SLC23A1: variants seen among roughly 807,000 people sequenced by gnomAD.
SLC23A1 encodes the protein solute carrier family 23 member 1, also known as Na(+)/L-ascorbic acid transporter 1.
SLC23A1 carries 31 observed loss-of-function variants against 62.5 expected under a neutral mutation model. That is an observed-to-expected ratio of 0.50 (90% confidence interval 0.37 to 0.67). The LOEUF (loss-of-function observed/expected upper bound fraction) is 0.67. Among genes scored for constraint, SLC23A1 ranks in the 30% least tolerant of loss-of-function variants. SLC23A1 has a pLI of 0.00. For synonymous variants in SLC23A1, 271 were observed against 313.2 expected (o/e 0.87, Z 1.42); for missense variants, 640 against 782.7 (o/e 0.82, Z 2.18).
Position 139,380,360 on chromosome 5 carries a change from C to G in SLC23A1, c.495G>C (p.Val165=). ...EVQGAIMVSS[V]VEVVIGLLGL... ...CCAGCAGGCCAATCACCACCTCCAC[C>G]ACGCTGGACACCATGATTGCACCCT... Residue 165 remains valine, a synonymous_variant, in exon 6 of 15, where the codon GTG becomes GTC. Transcript: ENST00000348729. 1 of 1,612,914 alleles carries G rather than the reference C, an allele frequency of 6.2e-7. No individual in the cohort carries two copies. The highest frequency in any genetic ancestry group is 8.5e-7 in the Non-Finnish European group (1 of 1,179,576).
At chr5:139,382,170 G>A in intron 2 of SLC23A1, 121 bp from the exon 3 acceptor site, 1 of 970,398 alleles carries the variant, frequency 1.0e-6, no homozygotes, top group Non-Finnish European at 1.5e-6. Flanking sequence ...GCCCAGGACT[G>A]GCAGTCCCCA....
upstream of SLC23A1, among the ~76,000 whole-genome samples, chr5:139,383,760 C>T (rs187661902): frequency 2.6e-5 from 4 of 152,236 alleles, no homozygotes; most frequent in Admixed American, 1.3e-4. Context: ...CTGTGCTGGG[C>T]GGTATTAACC....
Position 139,379,145 on chromosome 5 carries a change from C to T in SLC23A1, c.1073+62G>A. The T allele has an allele frequency of 6.4e-7, 1 of 1,571,086 alleles. No individual in the cohort carries two copies. The highest frequency in any genetic ancestry group is 8.7e-7 in the Non-Finnish European group (1 of 1,144,460). On this transcript the variant is annotated intron_variant, in intron 9 of 14. Transcript: ENST00000348729. The surrounding 1 kb of genome is among the most constrained non-coding windows in gnomAD (Gnocchi z 4.7). The stretch of plus-strand genomic sequence containing the variant: ...TACCCCCTGGGCCTCCACCCCGTTC[C>T]TGTGTGTGCTTCCTGGGTGGCGCCT...
Position 139,382,583 on chromosome 5 carries a change from G to C in SLC23A1, c.59C>G (p.Ser20Trp). The change falls in exon 2 of 15, where the codon TCG (serine) becomes TGG (tryptophan). Residue 20 changes from serine (S) to tryptophan (W), a missense_variant. Coordinates refer to ENST00000348729, the MANE Select transcript of SLC23A1 (RefSeq NM_005847.5). ...CTTAGGCTCTGTGGGTAGCGGGGTC[G>C]AGGGGTCCCTGGTGGTTTCATGCTG... is the stretch of plus-strand genomic sequence containing the variant. ...RTQHETTRDP[S>W]TPLPTEPKFD... The C allele has an allele frequency of 6.2e-7, 1 of 1,612,870 alleles. No individual in the cohort carries two copies. Among genetic ancestry groups the C allele is most frequent in the Non-Finnish European group, 8.5e-7 (1 of 1,179,154 alleles).
In SLC23A1 at chr5:139,378,243, C is replaced by A; in HGVS notation, c.1288G>T (p.Gly430Cys). 6.2e-7 allele frequency: 1 copy of A among 1,612,422 alleles called. No individual in the cohort carries two copies. The highest frequency in any genetic ancestry group is 8.5e-7 in the Non-Finnish European group (1 of 1,179,466). The change falls in exon 11 of 15, where the codon GGC becomes TGC. Residue 430 changes from glycine to cysteine, a missense_variant. By Grantham distance (159) the Gly-to-Cys change is radical. Transcript: ENST00000348729. This position sits in a 1 kb window ranked among gnomAD's most constrained non-coding sequence, Gnocchi z 4.5. Reference protein sequence around the residue: ...FASLPDPILGGMFCTLFGMIT... With the variant: ...FASLPDPILGCMFCTLFGMIT... ...TCACCAAAGAGAGTGCAGAACATGC[C>A]CCCCAGGATGGGGTCAGGGAGCGAG...
intron 13 of SLC23A1, among the ~76,000 whole-genome samples, chr5:139,374,243 G>A (rs575639595): frequency 6.6e-6 from 1 of 152,242 alleles, no homozygotes; most frequent in East Asian, 1.9e-4. Flanking sequence ...CTCTAAGGTT[G>A]GGCTCTGGAT....
chr5:139,368,132 G>A (rs1757395483), intron 14 of SLC23A1, among the ~76,000 whole-genome samples: 2 of 151,952 alleles, frequency 1.3e-5, no homozygotes, highest in African/African-American at 4.8e-5. Context: ...TCAGGAGATC[G>A]AGACCATCCT....
chr5:139,373,316 T>G (rs185205081), intron 13 of SLC23A1, among the ~76,000 whole-genome samples: 1 of 152,062 alleles, frequency 6.6e-6, no homozygotes. Flanking sequence ...TAGCTGGGAT[T>G]ACAGGTGTGA....
intron 14 of SLC23A1, among the ~76,000 whole-genome samples, chr5:139,370,081 C>T (rs1757560905): frequency 1.3e-5 from 2 of 152,152 alleles, no homozygotes; most frequent in Non-Finnish European, 2.9e-5. Flanking sequence ...ATTAAGAGAG[C>T]CATATAGTCA....
At chr5:139,370,183 T>C (rs543880906) in intron 14 of SLC23A1, among the ~76,000 whole-genome samples, 4 of 152,258 alleles carry the variant, frequency 2.6e-5, no homozygotes, top group African/African-American at 7.2e-5. Flanking sequence ...GGTTGGTTGG[T>C]TTTTGGAGAC....
intron 13 of SLC23A1, among the ~76,000 whole-genome samples, chr5:139,372,515 A>G (rs923901467): frequency 1.3e-5 from 2 of 152,188 alleles, no homozygotes; most frequent in African/African-American, 4.8e-5. Context: ...TAATTTCATT[A>G]TCTTGTTTCT....
chr5:139,374,951 T>A (rs1757875026), intron 13 of SLC23A1, among the ~76,000 whole-genome samples: 2 of 151,992 alleles, frequency 1.3e-5, no homozygotes, highest in Non-Finnish European at 2.9e-5. Context: ...GGGTACCATG[T>A]TCAAATAGCC....
intron 14 of SLC23A1, chr5:139,368,660 C>T (rs1757453838): frequency 2.0e-6 from 2 of 976,550 alleles, no homozygotes; most frequent in Non-Finnish European, 1.6e-6. Flanking sequence ...GATGTTTTTG[C>T]ATGAGGATCT....
At chr5:139,375,884 A>T (rs1466166879) in intron 13 of SLC23A1, among the ~76,000 whole-genome samples, 5 of 151,846 alleles carry the variant, frequency 3.3e-5, no homozygotes, top group Non-Finnish European at 5.9e-5. Context: ...CTATAATCCC[A>T]GTACTTTGAG....
At chr5:139,380,681 G>A (rs1346910829) in intron 4 of SLC23A1, 49 bp from the exon 5 acceptor site, 2 of 1,533,234 alleles carry the variant, frequency 1.3e-6, no homozygotes, top group East Asian at 2.2e-5. Flanking sequence ...CAGAGACAGA[G>A]AGGGAGAGAA....
chr5:139,378,048 C>G lies in SLC23A1; in HGVS notation c.1380G>C (p.Val460=), dbSNP rs114713976. Residue 460 remains valine, a synonymous_variant, in exon 12 of 15, where the codon GTG becomes GTC. Coordinates refer to ENST00000348729, the MANE Select transcript of SLC23A1 (RefSeq NM_005847.5). The surrounding 1 kb of genome is among the most constrained non-coding windows in gnomAD (Gnocchi z 4.5). Reference sequence around the variant, plus strand: ...GCCCGAAGAACATGGAAAATCCCAGCACGAAGAGGTTGCGAGAGGAGTTCA... The same window carrying G: ...GCCCGAAGAACATGGAAAATCCCAGGACGAAGAGGTTGCGAGAGGAGTTCA... ...VDMNSSRNLF[V]LGFSMFFGLT... 4 of 1,614,044 alleles carry G rather than the reference C, an allele frequency of 2.5e-6. No homozygotes were observed. Among genetic ancestry groups the G allele is most frequent in the Non-Finnish European group, 3.4e-6 (4 of 1,180,038 alleles).
chr5:139,380,392 G>T lies in SLC23A1; in HGVS notation c.466-3C>A. The T allele has an allele frequency of 1.2e-6, 2 of 1,613,418 alleles. No homozygotes were observed. The highest frequency in any genetic ancestry group is 1.7e-6 in the Non-Finnish European group (2 of 1,179,730). On this transcript the variant is annotated splice_polypyrimidine_tract_variant and splice_region_variant and intron_variant, in intron 5 of 14. Transcript: ENST00000348729. ...GACACCATGATTGCACCCTGGACCT[G>T]GAAGGGCAAACATCAGCCGTAAGTC...
intron 2 of SLC23A1, 72 bp from the exon 3 acceptor site, chr5:139,382,121 T>G (rs1257187586): frequency 6.9e-7 from 1 of 1,454,906 alleles, no homozygotes; most frequent in African/African-American, 1.4e-5. Flanking sequence ...CAACCTAGTG[T>G]CCTCATGCCT....
At chr5:139,382,417 C>A in intron 2 of SLC23A1, 75 bp downstream of exon 2, 1 of 814,602 alleles carries the variant, frequency 1.2e-6, no homozygotes. Context: ...CCAAGATACT[C>A]CCTGCTGGCC....
Sources: allele counts gnomAD v4.1 joint callset (sites outside exome capture counted in the v4.1 genomes callset), GRCh38; gene constraint gnomAD v4.1.1; non-coding constraint Gnocchi (gnomAD v3.1); transcripts MANE v1.5; gene names NCBI Gene and HGNC (gene_info 2026-07-23, HGNC 2026-07-21).